TMPRSS4: variants seen among roughly 807,000 people sequenced by gnomAD.
TMPRSS4 encodes the protein transmembrane serine protease 4.
In TMPRSS4, 45 loss-of-function variants were observed where a neutral mutation model predicts 56.4. The observed-to-expected ratio is 0.80, with a 90% confidence interval of 0.63 to 1.02. The LOEUF (loss-of-function observed/expected upper bound fraction) is 1.02. TMPRSS4 is among the 50% of genes least tolerant of loss of function. TMPRSS4 has a pLI of 0.00. For synonymous variants in TMPRSS4, 205 were observed against 211.0 expected (o/e 0.97, Z 0.25); for missense variants, 546 against 556.7 (o/e 0.98, Z 0.19).
chr11:118,088,509 C>G (rs6589644), intron 1 of TMPRSS4, among the ~76,000 whole-genome samples: 1 of 152,138 alleles, frequency 6.6e-6, no homozygotes, highest in Admixed American at 6.5e-5. Context: ...ACCTCACCCG[C>G]TACCTGGGCC....
chr11:118,088,254 T>G (rs1323098547), intron 1 of TMPRSS4: 3 of 152,226 alleles, frequency 2.0e-5, no homozygotes, highest in Non-Finnish European at 4.4e-5. Flanking sequence ...TTCTGTAAAA[T>G]GGGGACAATT....
intron 1 of TMPRSS4, among the ~76,000 whole-genome samples, chr11:118,094,426 T>C (rs1177601079): frequency 6.6e-6 from 1 of 152,206 alleles, no homozygotes; most frequent in Non-Finnish European, 1.5e-5. Context: ...TATTGGCCAG[T>C]TGAGTATTCC....
intron 1 of TMPRSS4, among the ~76,000 whole-genome samples, chr11:118,081,419 G>A (rs567570637): frequency 1.6e-4 from 24 of 152,316 alleles, no homozygotes; most frequent in African/African-American, 5.3e-4. Flanking sequence ...TAACCAGCAC[G>A]TCGGCAGCTG....
chr11:118,118,285 G>T lies in TMPRSS4; in HGVS notation c.*372G>T, dbSNP rs45623932. 0.011 allele frequency: 12,222 copies of T among 1,148,108 alleles called. 110 individuals are homozygous for T. Among genetic ancestry groups the T allele is most frequent in the Admixed American group, 0.067 (1,509 of 22,544 alleles). The allele number at this position is 1,148,108 out of a possible 1,614,324, so 71.1% of individuals were successfully genotyped here. Reference sequence around the variant, plus strand: ...TGTGGGCTGGAGAGGAGAAGGAAAGGGTCTGCGCCAGCCCTGTCCGTCTTC... The same window carrying T: ...TGTGGGCTGGAGAGGAGAAGGAAAGTGTCTGCGCCAGCCCTGTCCGTCTTC... On this transcript the variant is annotated 3_prime_UTR_variant, in exon 13 of 13. Coordinates refer to ENST00000437212, the MANE Select transcript of TMPRSS4 (RefSeq NM_019894.4).
chr11:118,099,536 C>T (rs1591381722), intron 3 of TMPRSS4, among the ~76,000 whole-genome samples: 4 of 152,048 alleles, frequency 2.6e-5, no homozygotes, highest in East Asian at 3.9e-4. Context: ...AGAGAGCCTT[C>T]TTCTAAAAGT....
In TMPRSS4 at chr11:118,077,142, AC is replaced by A. The variant is rs1944720566; in HGVS notation, c.-159del. ...CGGACAAGGATGCTGGGCGTGAGGG[AC>A]CAAGGCCTGCCCTGCACTCGGGCCT... On this transcript the variant is annotated 5_prime_UTR_variant, in exon 1 of 13. An upstream open reading frame in the 5' UTR loses its in-frame stop. Transcript: ENST00000437212. The A allele has an allele frequency of 1.3e-6, 1 of 742,842 alleles. No homozygotes were observed. Among genetic ancestry groups the A allele is most frequent in the African/African-American group, 1.8e-5 (1 of 54,832 alleles). The allele number at this position is 742,842 out of a possible 1,614,324, so 46.0% of individuals were successfully genotyped here. A position where few individuals can be genotyped will look rare whatever the true frequency, so the allele number is the denominator to read the frequency against.
At chr11:118,084,451 T>C (rs1278608407) in intron 1 of TMPRSS4, among the ~76,000 whole-genome samples, 1 of 152,192 alleles carries the variant, frequency 6.6e-6, no homozygotes. Flanking sequence ...AAGCACTATT[T>C]ATAGGATCCT....
At chr11:118,093,782 C>T (rs1036069489) in intron 1 of TMPRSS4, among the ~76,000 whole-genome samples, 16 of 149,894 alleles carry the variant, frequency 1.1e-4, no homozygotes, top group African/African-American at 3.9e-4. Context: ...TCCTATGTTC[C>T]AGAAGACTCC....
intron 1 of TMPRSS4, among the ~76,000 whole-genome samples, chr11:118,079,142 C>T (rs564668469): frequency 3.3e-5 from 5 of 152,084 alleles, no homozygotes; most frequent in Admixed American, 6.5e-5. Context: ...CCAATCTCCA[C>T]GGTGTGGTCA....
intron 1 of TMPRSS4, among the ~76,000 whole-genome samples, chr11:118,088,864 T>A (rs1229301052): frequency 6.6e-6 from 1 of 152,230 alleles, no homozygotes; most frequent in Non-Finnish European, 1.5e-5. Flanking sequence ...AACTCCAGGT[T>A]AAGACAATTC....
intron 2 of TMPRSS4, among the ~76,000 whole-genome samples, chr11:118,096,228 T>C (rs1946280420): frequency 1.3e-5 from 2 of 152,254 alleles, no homozygotes; most frequent in African/African-American, 4.8e-5. Flanking sequence ...AGCTACTTTG[T>C]GCCAGGTCAT....
rs1168064748 is a variant in TMPRSS4 at position 118,120,262 on chromosome 11, G to A, written c.*2349G>A. 1 of 152,134 alleles carries A rather than the reference G, an allele frequency of 6.6e-6. No homozygotes were observed. The highest frequency in any genetic ancestry group is 2.4e-5 in the African/African-American group (1 of 41,410). The allele number at this position is 152,134 out of a possible 1,614,324, so 9.4% of individuals were successfully genotyped here. On this transcript the variant is annotated 3_prime_UTR_variant, in exon 13 of 13. Coordinates refer to ENST00000437212, the MANE Select transcript of TMPRSS4 (RefSeq NM_019894.4). ...CTATCTTTTGGCTATTGTGAATTAT[G>A]CTGCTGTGAACATGGGTGTACAAGT... is the stretch of plus-strand genomic sequence containing the variant.
intron 1 of TMPRSS4, 102 bp from the exon 2 acceptor site, chr11:118,094,714 C>A: frequency 9.7e-7 from 1 of 1,035,304 alleles, no homozygotes; most frequent in Non-Finnish European, 1.5e-6. Context: ...AACGTAGACT[C>A]AGGGAGAAGG....
chr11:118,114,147 A>G (rs538154309), intron 9 of TMPRSS4, among the ~76,000 whole-genome samples: 3 of 152,266 alleles, frequency 2.0e-5, no homozygotes, highest in African/African-American at 7.2e-5. Flanking sequence ...TGCTACTTCT[A>G]TTAGCATCCC....
rs1002390759 is a variant in TMPRSS4, at chr11:118,113,267, A to C, written c.744-2A>C. ...CCTGAACCCAGCTGTCTCTACCCCC[A>C]GGAAACATACCGATGTGTTCAACTG... On this transcript the variant is annotated splice_acceptor_variant, in intron 8 of 12. Transcript: ENST00000437212. LOFTEE classifies it high-confidence loss of function. The C allele has an allele frequency of 1.2e-6, 2 of 1,613,512 alleles. No individual in the cohort carries two copies. The highest frequency in any genetic ancestry group is 1.7e-6 in the Non-Finnish European group (2 of 1,179,678).
intron 1 of TMPRSS4, among the ~76,000 whole-genome samples, chr11:118,090,445 T>A (rs1945858849): frequency 6.6e-6 from 1 of 152,012 alleles, no homozygotes; most frequent in Admixed American, 6.6e-5. Context: ...AGGGATAGAA[T>A]TTTTTTCCAC....
At chr11:118,098,285 C>A (rs1177940893) in intron 2 of TMPRSS4, among the ~76,000 whole-genome samples, 1 of 151,690 alleles carries the variant, frequency 6.6e-6, no homozygotes, top group African/African-American at 2.4e-5. Context: ...GTGCCTCCGA[C>A]AGAGCTGAGC....
At position 118,117,309 on chromosome 11, in the gene TMPRSS4, A is replaced by T; in HGVS notation, c.1157A>T (p.Asp386Val). 6.2e-7 allele frequency: 1 copy of T among 1,614,064 alleles called. No homozygotes were observed. The highest frequency in any genetic ancestry group is 8.5e-7 in the Non-Finnish European group (1 of 1,180,010). The change falls in exon 12 of 13, where the codon GAC becomes GTC. Residue 386 changes from aspartate to valine, a missense_variant. Coordinates refer to ENST00000437212, the MANE Select transcript of TMPRSS4 (RefSeq NM_019894.4). ...CTCTGTTCTGGTCTCTCACAGGGTG[A>T]CAGTGGTGGGCCCCTGATGTACCAA... ...PEGGVDTCQGDSGGPLMYQSD... is the reference protein window; with the variant it reads ...PEGGVDTCQGVSGGPLMYQSD...
Position 118,119,333 on chromosome 11 carries a change from G to T in TMPRSS4, c.*1420G>T. The T allele has an allele frequency of 1.0e-6, 1 of 985,414 alleles. No homozygotes were observed. The highest frequency in any genetic ancestry group is 1.2e-6 in the Non-Finnish European group (1 of 829,912). The allele number at this position is 985,414 out of a possible 1,614,324, so 61.0% of individuals were successfully genotyped here. A position where few individuals can be genotyped will look rare whatever the true frequency, so the allele number is the denominator to read the frequency against. On this transcript the variant is annotated 3_prime_UTR_variant, in exon 13 of 13. Coordinates refer to ENST00000437212, the MANE Select transcript of TMPRSS4 (RefSeq NM_019894.4). ...CATGAAGCAGGGATAACTGATGGCAGTAAATGTGGTCTCAAATTGCAGATG... is the reference window on the plus strand; with the variant it reads ...CATGAAGCAGGGATAACTGATGGCATTAAATGTGGTCTCAAATTGCAGATG...
Sources: allele counts gnomAD v4.1 joint callset (sites outside exome capture counted in the v4.1 genomes callset), GRCh38; gene constraint gnomAD v4.1.1; transcripts MANE v1.5; gene names NCBI Gene and HGNC (gene_info 2026-07-23, HGNC 2026-07-21).